IL16: variants seen among roughly 807,000 people sequenced by gnomAD.
IL16 encodes pro-interleukin-16.
A neutral mutation model predicts 110.1 loss-of-function variants in IL16; 67 were observed. The ratio of observed to expected loss-of-function variants is 0.61; its 90% confidence interval spans 0.50 to 0.75. The LOEUF is 0.75. IL16 is among the 30% of genes least tolerant of loss of function. The probability of loss-of-function intolerance (pLI) is 0.00; values close to 1 mark genes in which losing one functional copy is unlikely to be tolerated. For synonymous variants in IL16, 689 were observed against 662.9 expected, an observed-to-expected ratio of 1.04 and a Z score of -0.61; for missense variants, 1,545 against 1,655.0, an observed-to-expected ratio of 0.93 and a Z score of 1.15.
rs147790802 is a variant in IL16, at chr15:81,277,760, A to C, written c.791-1057A>C. Among the ~76,000 whole-genome samples, 1,183 of 152,322 alleles carry C rather than the reference A, an allele frequency of 7.8e-3. 10 individuals carry two copies. Among genetic ancestry groups the C allele is most frequent in the Non-Finnish European group, 0.014 (923 of 68,032 alleles). The stretch of plus-strand genomic sequence containing the variant: ...AGAAACCAGAGAAAAAGGATGGATC[A>C]TATACAATGGAACCATGATTAGGCG... On this transcript the variant is annotated intron_variant, in intron 6 of 18. Transcript: ENST00000683961.
At position 81,217,914 on chromosome 15, in the gene IL16, T is replaced by C. The variant is rs560735545; in HGVS notation, c.-101-7385T>C. Among the ~76,000 whole-genome samples, 9 of 152,268 alleles carry C rather than the reference T, an allele frequency of 5.9e-5. No homozygotes were observed. The East Asian group carries it at 1.7e-3, about 29-fold the overall frequency. On this transcript the variant is annotated intron_variant, in intron 1 of 18. Transcript: ENST00000683961. ...AAAAAATTATGTCTCAATATATCGGTCAACATTCTACATACTAGAAAACAC... is the reference window on the plus strand; with the variant it reads ...AAAAAATTATGTCTCAATATATCGGCCAACATTCTACATACTAGAAAACAC...
chr15:81,301,285 C>A, intron 14 of IL16, 59 bp from the exon 15 acceptor site: 2 of 1,430,288 alleles, frequency 1.4e-6, no homozygotes, highest in South Asian at 1.3e-5. Flanking sequence ...ATTATACAAT[C>A]ACTGTTACCT....
At chr15:81,231,383 C>CTCTCTCTCTCT (rs1896981342) in intron 2 of IL16, among the ~76,000 whole-genome samples, 1 of 42,634 alleles carries the variant, frequency 2.3e-5, no homozygotes, top group African/African-American at 7.2e-5. Flanking sequence ...TCTCTCTCTC[C>CTCTCTCTCTCT]CTCTCTTAAG....
At chr15:81,202,069 C>T (rs767854178) in intron 1 of IL16, among the ~76,000 whole-genome samples, 1 of 152,220 alleles carries the variant, frequency 6.6e-6, no homozygotes, top group Admixed American at 6.5e-5. Context: ...AATGTCTTTT[C>T]CTACTTTATA....
chr15:81,247,076 CTTTTTTTTT>C (rs57484982), intron 2 of IL16, among the ~76,000 whole-genome samples: 1 of 92,638 alleles, frequency 1.1e-5, no homozygotes, highest in Non-Finnish European at 2.1e-5. Context: ...TTTTCTTTTC[CTTTTTTTTT>C]TTTTTTTTTT....
chr15:81,298,966 T>TTG (rs1900126075), intron 13 of IL16, among the ~76,000 whole-genome samples: 1 of 152,204 alleles, frequency 6.6e-6, no homozygotes, highest in African/African-American at 2.4e-5. Flanking sequence ...GAGAACTGCT[T>TTG]TGGCTTTTAC....
rs752966360 is a variant in IL16, at chr15:81,301,530, G to A, written c.3318+18G>A. On this transcript the variant is annotated intron_variant, in intron 15 of 18. Transcript: ENST00000683961. ...CATTAAAGGTAGGTTTCCTTTGTAA[G>A]CATCTGCAGTAACCAATGGCTTATT... 4 of 1,607,356 alleles carry A rather than the reference G, an allele frequency of 2.5e-6. No homozygotes were observed. The highest frequency in any genetic ancestry group is 2.7e-5 in the African/African-American group (2 of 74,466).
chr15:81,264,670 A>G (rs1567024857), intron 3 of IL16, among the ~76,000 whole-genome samples: 2 of 152,188 alleles, frequency 1.3e-5, no homozygotes, highest in Non-Finnish European at 1.5e-5. Context: ...CCTGGCCTCT[A>G]GAACGGAACT....
chr15:81,250,384 G>A (rs1043133956), intron 2 of IL16, among the ~76,000 whole-genome samples: 1 of 152,110 alleles, frequency 6.6e-6, no homozygotes, highest in Non-Finnish European at 1.5e-5. Context: ...CACCGTGTTG[G>A]TCAGGTTGTC....
At chr15:81,231,942 T>G (rs1309351626) in intron 2 of IL16, among the ~76,000 whole-genome samples, 1 of 152,028 alleles carries the variant, frequency 6.6e-6, no homozygotes, top group East Asian at 1.9e-4. Context: ...TTCTGATCTA[T>G]TAGTCTTTTA....
At position 81,306,137 on chromosome 15, in the gene IL16, C is replaced by T; in HGVS notation, c.3650C>T (p.Ser1217Phe). 1 of 1,614,174 alleles carries T rather than the reference C, an allele frequency of 6.2e-7. No homozygotes were observed. The highest frequency in any genetic ancestry group is 8.5e-7 in the Non-Finnish European group (1 of 1,180,042). Residue 1217 changes from serine (S) to phenylalanine (F), a missense_variant, in exon 17 of 19, where the codon TCT (serine) becomes TTT (phenylalanine). Coordinates refer to ENST00000683961, the MANE Select transcript of IL16 (RefSeq NM_172217.5). ...TCCACTGACTCTGCAGCCTCAGCCT[C>T]TGCAGCCAGTGATGTTTCTGTAGAA... ...NSSTDSAASASAASDVSVEST... is the reference protein window; with the variant it reads ...NSSTDSAASAFAASDVSVEST...
At chr15:81,223,511 C>T (rs1896687864) in intron 1 of IL16, among the ~76,000 whole-genome samples, 1 of 152,134 alleles carries the variant, frequency 6.6e-6, no homozygotes. Context: ...GCCAGATTGC[C>T]TGGTTTGATT....
At chr15:81,222,166 G>A (rs965061932) in intron 1 of IL16, among the ~76,000 whole-genome samples, 1 of 152,092 alleles carries the variant, frequency 6.6e-6, no homozygotes, top group South Asian at 2.1e-4. Flanking sequence ...AATTCTTGGT[G>A]GGACAAGAAT....
At chr15:81,308,164 C>G (rs17875548) in intron 18 of IL16, among the ~76,000 whole-genome samples, 4 of 152,150 alleles carry the variant, frequency 2.6e-5, no homozygotes, top group Non-Finnish European at 5.9e-5. Flanking sequence ...TATTGTTGCA[C>G]AAAAATCTCA....
intron 2 of IL16, among the ~76,000 whole-genome samples, chr15:81,254,092 G>A (rs1897863800): frequency 6.6e-6 from 1 of 152,148 alleles, no homozygotes; most frequent in African/African-American, 2.4e-5. Context: ...GAGGACAGTT[G>A]AATTCTATTT....
intron 2 of IL16, among the ~76,000 whole-genome samples, chr15:81,233,459 CTGTG>C (rs5814049): frequency 0.014 from 1,953 of 143,406 alleles, 43 homozygotes; most frequent in African/African-American, 0.041. Context: ...TCTTCTCTTT[CTGTG>C]TGTGTGTGTG....
intron 1 of IL16, among the ~76,000 whole-genome samples, chr15:81,186,949 A>G (rs1895428394): frequency 6.6e-6 from 1 of 152,174 alleles, no homozygotes; most frequent in Non-Finnish European, 1.5e-5. Flanking sequence ...GTGAGCCACC[A>G]TGCCTGGCTA....
intron 1 of IL16, among the ~76,000 whole-genome samples, chr15:81,200,586 G>A (rs1200693714): frequency 6.6e-6 from 1 of 152,216 alleles, no homozygotes; most frequent in South Asian, 2.1e-4. Context: ...GGCCAGGCTG[G>A]TCTCAAACTC....
At position 81,301,400 on chromosome 15, in the gene IL16, A is replaced by G; in HGVS notation, c.3206A>G (p.Asp1069Gly). The stretch of plus-strand genomic sequence containing the variant: ...CTCACGGAAGCCAAGGAAGACGATG[A>G]TGGGGACCACAGTTCCCTTCAGTCT... Reference protein sequence around the residue: ...EGLTEAKEDDDGDHSSLQSGQ... With the variant: ...EGLTEAKEDDGGDHSSLQSGQ... The change falls in exon 15 of 19, where the codon GAT becomes GGT. Residue 1069 changes from aspartate to glycine, a missense_variant. By Grantham distance (94) the Asp-to-Gly change is moderately conservative. Around this residue, in one of 3 missense-constraint regions of IL16, gnomAD observed 356 missense variants for 399.3 expected, o/e 0.89. Coordinates refer to ENST00000683961, the MANE Select transcript of IL16 (RefSeq NM_172217.5). The G allele has an allele frequency of 1.9e-6, 3 of 1,614,008 alleles. No homozygotes were observed. The highest frequency in any genetic ancestry group is 1.7e-6 in the Non-Finnish European group (2 of 1,179,938).
Sources: gnomAD v4.1 joint callset for allele counts (sites outside exome capture counted in the v4.1 genomes callset) on GRCh38, gnomAD v4.1.1 for gene constraint, gnomAD v4.1.1 regional missense constraint, MANE v1.5 for transcripts, NCBI Gene and HGNC (gene_info 2026-07-23, HGNC 2026-07-21) for gene names.